PIWIL4: variants seen among roughly 807,000 people sequenced by gnomAD.
PIWIL4 encodes the protein piwi-like protein 4.
In PIWIL4, 50 loss-of-function variants were observed where a neutral mutation model predicts 100.9. That is an observed-to-expected ratio of 0.50 (90% CI 0.39 to 0.63). The LOEUF (loss-of-function observed/expected upper bound fraction) is 0.63. Among genes scored for constraint, PIWIL4 ranks in the 20% least tolerant of loss-of-function variants. The probability of loss-of-function intolerance (pLI) is 0.00; values close to 1 mark genes in which losing one functional copy is unlikely to be tolerated. For synonymous variants in PIWIL4, 342 were observed against 367.5 expected (o/e 0.93, Z 0.79); for missense variants, 887 against 1,043.3 (o/e 0.85, Z 2.06).
rs115960232 is a variant in PIWIL4, at chr11:94,606,413, G to A, written c.1639-1026G>A. ...ATTCTATAGGTGGAAAAATTACTTT[G>A]TTTTCTTCTGCTAATCATTGACAGT... On this transcript the variant is annotated intron_variant, in intron 13 of 19. Coordinates refer to ENST00000299001, the MANE Select transcript of PIWIL4 (RefSeq NM_152431.3). 9.2e-3 allele frequency among the ~76,000 whole-genome samples: 1,403 copies of A among 152,274 alleles called. 20 individuals carry two copies. Among genetic ancestry groups the A allele is most frequent in the African/African-American group, 0.032 (1,327 of 41,552 alleles).
intron 3 of PIWIL4, among the ~76,000 whole-genome samples, chr11:94,576,238 G>C (rs1485744951): frequency 6.6e-6 from 1 of 152,158 alleles, no homozygotes; most frequent in African/African-American, 2.4e-5. Flanking sequence ...AGGTTCAAGC[G>C]ATTCTTGTGC....
At chr11:94,594,439 C>A (rs1948527960) in intron 9 of PIWIL4, among the ~76,000 whole-genome samples, 1 of 149,168 alleles carries the variant, frequency 6.7e-6, no homozygotes, top group South Asian at 2.1e-4. Flanking sequence ...GCACTCCAGC[C>A]TGAGTGACAG....
chr11:94,610,986 A>G (rs992395096), intron 15 of PIWIL4, among the ~76,000 whole-genome samples: 11 of 152,194 alleles, frequency 7.2e-5, no homozygotes, highest in Admixed American at 3.3e-4. Context: ...GTTTTTTTAC[A>G]TGTGAATATC....
At chr11:94,574,222 CT>C (rs1410043491) in intron 2 of PIWIL4, among the ~76,000 whole-genome samples, 1 of 152,176 alleles carries the variant, frequency 6.6e-6, no homozygotes, top group African/African-American at 2.4e-5. Flanking sequence ...GAAACACTGG[CT>C]TTTATTCTTA....
chr11:94,573,928 C>G (rs1466106598), intron 2 of PIWIL4, among the ~76,000 whole-genome samples: 1 of 152,134 alleles, frequency 6.6e-6, no homozygotes, highest in Non-Finnish European at 1.5e-5. Context: ...CCCCCTCCCT[C>G]CAGCTCCTGG....
At position 94,577,447 on chromosome 11, in the gene PIWIL4, A is replaced by G. The variant is rs368513966; in HGVS notation, c.468A>G (p.Ala156=). Residue 156 remains alanine, a synonymous_variant, in exon 4 of 20, where the codon GCA becomes GCG. Transcript: ENST00000299001. ...SHSELSNKAK[A]FDGAILFLSQ... is the part of the protein sequence containing the mutation. ...GTGAACTTTCCAACAAAGCAAAAGC[A>G]TTCGACGGTGCCATCCTTTTTCTGT... The G allele has an allele frequency of 6.8e-6, 11 of 1,613,834 alleles. No individual in the cohort carries two copies. In the African/African-American group the frequency reaches 1.2e-4, roughly 18 times the overall value.
intron 15 of PIWIL4, among the ~76,000 whole-genome samples, chr11:94,615,660 T>C (rs190703176): frequency 6.6e-6 from 1 of 152,326 alleles, no homozygotes; most frequent in East Asian, 1.9e-4. Context: ...GGGGTCTTGC[T>C]TTGTTGCCCA....
chr11:94,621,350 T>G lies in PIWIL4; in HGVS notation c.*358T>G, dbSNP rs1394945954. The G allele has an allele frequency of 5.4e-6, 1 of 183,612 alleles. No homozygotes were observed. Among genetic ancestry groups the G allele is most frequent in the African/African-American group, 2.4e-5 (1 of 42,310 alleles). The allele number at this position is 183,612 out of a possible 1,614,324, so 11.4% of individuals were successfully genotyped here. On this transcript the variant is annotated 3_prime_UTR_variant, in exon 20 of 20. Transcript: ENST00000299001. The stretch of plus-strand genomic sequence containing the variant: ...GTCTAATTCCCACCCCAAATTTTGC[T>G]GAGGTTTTCTTAATGTTGTAGAGCA...
At chr11:94,576,888 G>A (rs1369477927) in intron 3 of PIWIL4, among the ~76,000 whole-genome samples, 1 of 152,192 alleles carries the variant, frequency 6.6e-6, no homozygotes, top group East Asian at 1.9e-4. Flanking sequence ...GTAAGAACCA[G>A]ACTGTTTCTT....
Position 94,597,867 on chromosome 11 carries a change from G to C in PIWIL4, c.1332G>C (p.Leu444=), listed in dbSNP as rs1948576752. 1 of 1,614,050 alleles carries C rather than the reference G, an allele frequency of 6.2e-7. No individual in the cohort carries two copies. Among genetic ancestry groups the C allele is most frequent in the African/African-American group, 1.3e-5 (1 of 75,044 alleles). The change falls in exon 11 of 20, where the codon CTG becomes CTC. Residue 444 remains leucine, a synonymous_variant. Transcript: ENST00000299001. ...WGLHFGSQIS[L]TGRIVPSEKI... ...TGCATTTTGGAAGCCAGATATCTCT[G>C]ACTGGCCGGATTGTGCCTTCAGAAA...
rs140818509 is a variant in PIWIL4 at position 94,616,493 on chromosome 11, G to A, written c.1944G>A (p.Arg648=). 4.5e-4 allele frequency: 715 copies of A among 1,589,330 alleles called. 1 individual carries two copies. Among genetic ancestry groups the A allele is most frequent in the South Asian group, 5.4e-4 (46 of 84,918 alleles). Residue 648 remains arginine (R), a splice_region_variant and synonymous_variant, in exon 16 of 20, where the codon AGG becomes AGA. Transcript: ENST00000299001. ...CVASVNPRIT[R]WFSRCILQRT... Reference sequence around the variant, plus strand: ...CTTTTATTTTTTTTTTTAACTTTAGGTGGTTTTCCCGCTGTATCCTTCAGA... The same window carrying A: ...CTTTTATTTTTTTTTTTAACTTTAGATGGTTTTCCCGCTGTATCCTTCAGA...
chr11:94,611,238 A>G (rs1348429662), intron 15 of PIWIL4, among the ~76,000 whole-genome samples: 1 of 152,136 alleles, frequency 6.6e-6, no homozygotes, highest in Non-Finnish European at 1.5e-5. Context: ...CATATGTTGA[A>G]CCATCCATTC....
At chr11:94,603,502 A>C (rs1402421088) in intron 12 of PIWIL4, among the ~76,000 whole-genome samples, 2 of 152,228 alleles carry the variant, frequency 1.3e-5, no homozygotes, top group African/African-American at 4.8e-5. Flanking sequence ...CCACTAAGGA[A>C]AATAAAGATA....
chr11:94,577,937 G>T (rs1421962925), intron 4 of PIWIL4, among the ~76,000 whole-genome samples: 2 of 152,166 alleles, frequency 1.3e-5, no homozygotes, highest in African/African-American at 4.8e-5. Flanking sequence ...TAGAAGCATT[G>T]TTGTGGTGCT....
At position 94,601,096 on chromosome 11, in the gene PIWIL4, T is replaced by A. The variant is rs149467665; in HGVS notation, c.1381-699T>A. Among the ~76,000 whole-genome samples the A allele has an allele frequency of 3.7e-3, 560 of 150,940 alleles. 4 individuals are homozygous for A. Among genetic ancestry groups the A allele is most frequent in the African/African-American group, 0.013 (523 of 40,978 alleles). On this transcript the variant is annotated intron_variant, in intron 11 of 19. Transcript: ENST00000299001. ...TCCTCGGCTTACGAGATGAAAGGATTAAGAGATTAAAGTAAAGACAGGCAT... is the reference window on the plus strand; with the variant it reads ...TCCTCGGCTTACGAGATGAAAGGATAAAGAGATTAAAGTAAAGACAGGCAT...
Position 94,568,734 on chromosome 11 carries a change from G to C in PIWIL4, c.92G>C (p.Arg31Thr). 2 of 1,602,684 alleles carry C rather than the reference G, an allele frequency of 1.2e-6. No homozygotes were observed. ...AACTTTTTTTTGCCATTTTAGCCTA[G>C]ATCTGTTGATCTTAGTAACAATGAA... Reference protein sequence around the residue: ...VGRIQASPLPRSVDLSNNEAS... With the variant: ...VGRIQASPLPTSVDLSNNEAS... The change falls in exon 2 of 20, where the codon AGA becomes ACA. Residue 31 changes from arginine to threonine, a missense_variant. By Grantham distance (71) the Arg-to-Thr change is moderately conservative (BLOSUM62 -1). Coordinates refer to ENST00000299001, the MANE Select transcript of PIWIL4 (RefSeq NM_152431.3).
chr11:94,606,565 C>T (rs117750109), intron 13 of PIWIL4, among the ~76,000 whole-genome samples: 4,664 of 152,260 alleles, frequency 0.031, 113 homozygotes, highest in Middle Eastern at 0.061. Flanking sequence ...GGCGGTGGCT[C>T]ACGCCTGTAA....
rs1948252733 is a variant in PIWIL4, at chr11:94,577,382, G to A, written c.403G>A (p.Ala135Thr). 6.2e-7 allele frequency: 1 copy of A among 1,613,720 alleles called. No homozygotes were observed. The highest frequency in any genetic ancestry group is 1.1e-5 in the South Asian group (1 of 91,078). ...QYHVTYIPDL[A>T]SRRLRIALLY... The stretch of plus-strand genomic sequence containing the variant: ...CCATGTGACATATATTCCAGATTTA[G>A]CATCTAGAAGGCTGAGAATTGCTTT... The change falls in exon 4 of 20, where the codon GCA becomes ACA. Residue 135 changes from alanine (A) to threonine (T), a missense_variant. By Grantham distance (58) the Ala-to-Thr change is moderately conservative (BLOSUM62 0). Around this residue, in one of 2 missense-constraint regions of PIWIL4, gnomAD observed 741 missense variants for 930.0 expected, o/e 0.80. Coordinates refer to ENST00000299001, the MANE Select transcript of PIWIL4 (RefSeq NM_152431.3).
intron 11 of PIWIL4, among the ~76,000 whole-genome samples, chr11:94,598,271 C>T (rs1272555998): frequency 6.6e-6 from 1 of 152,172 alleles, no homozygotes; most frequent in East Asian, 1.9e-4. Context: ...AGATTGTTTT[C>T]TGATACCAAA....
Sources: gnomAD v4.1 joint callset for allele counts (sites outside exome capture counted in the v4.1 genomes callset) on GRCh38, gnomAD v4.1.1 for gene constraint, gnomAD v4.1.1 regional missense constraint, MANE v1.5 for transcripts, NCBI Gene and HGNC (gene_info 2026-07-23, HGNC 2026-07-21) for gene names.